ATRN: variants seen among roughly 807,000 people sequenced by gnomAD.
ATRN encodes the protein attractin.
A neutral mutation model predicts 178.7 loss-of-function variants in ATRN; 54 were observed. The ratio of observed to expected loss-of-function variants is 0.30; its 90% CI spans 0.24 to 0.38. ATRN has a LOEUF of 0.38. Among genes scored for constraint, ATRN ranks in the 10% least tolerant of loss-of-function variants. ATRN has a pLI of 1.00. For synonymous variants in ATRN, 636 were observed against 663.0 expected (o/e 0.96, Z 0.63); for missense variants, 1,443 against 1,815.1 (o/e 0.79, Z 3.73).
chr20:3,589,913 G>A (rs1211446655), intron 18 of ATRN, among the ~76,000 whole-genome samples: 1 of 152,190 alleles, frequency 6.6e-6, no homozygotes, highest in Non-Finnish European at 1.5e-5. Flanking sequence ...AAGATAGCTG[G>A]CACATTGCCT....
intron 1 of ATRN, among the ~76,000 whole-genome samples, chr20:3,520,517 CAG>C (rs948201280): frequency 3.9e-5 from 6 of 152,028 alleles, no homozygotes; most frequent in African/African-American, 1.4e-4. Flanking sequence ...CTTTTTGAGA[CAG>C]AATCTTGCTC....
intron 24 of ATRN, among the ~76,000 whole-genome samples, chr20:3,622,617 C>T (rs1055022622): frequency 4.6e-5 from 7 of 152,208 alleles, no homozygotes; most frequent in African/African-American, 9.7e-5. Context: ...AAAGACTGAC[C>T]GCAGTGGGCG....
chr20:3,547,525 T>G, intron 5 of ATRN, 36 bp downstream of exon 5: 1 of 1,480,380 alleles, frequency 6.8e-7, no homozygotes, highest in African/African-American at 1.4e-5. Context: ...TTTCTTCCAT[T>G]TATAGAACAT....
chr20:3,561,022 A>C, intron 8 of ATRN, 117 bp downstream of exon 8: 3 of 1,322,776 alleles, frequency 2.3e-6, no homozygotes, highest in Non-Finnish European at 3.1e-6. Context: ...TTTATCTTGA[A>C]ACATAGTAAA....
intron 23 of ATRN, 76 bp from the exon 24 acceptor site, chr20:3,604,029 T>C: frequency 1.6e-6 from 2 of 1,258,076 alleles, no homozygotes; most frequent in Middle Eastern, 3.9e-4. Flanking sequence ...GTCCTTATTA[T>C]TAATGAGGCC....
chr20:3,502,477 G>A (rs1314441047), intron 1 of ATRN, among the ~76,000 whole-genome samples: 1 of 152,124 alleles, frequency 6.6e-6, no homozygotes, highest in East Asian at 1.9e-4. Context: ...GGTGTTTCCT[G>A]ACCCTCCCAC....
intron 24 of ATRN, among the ~76,000 whole-genome samples, chr20:3,607,368 A>G (rs113202741): frequency 2.0e-5 from 3 of 152,082 alleles, no homozygotes; most frequent in African/African-American, 4.8e-5. Flanking sequence ...TTTTATACCC[A>G]TTAACCTCTA....
At chr20:3,644,389 C>G in intron 28 of ATRN, 121 bp downstream of exon 28, 2 of 824,482 alleles carry the variant, frequency 2.4e-6, no homozygotes, top group Non-Finnish European at 1.9e-6. Flanking sequence ...CCTGCCCATG[C>G]CATGGCAAGG....
rs1211154789 is a variant in ATRN, at chr20:3,545,363, T to C, written c.609-399T>C. 1.1e-4 allele frequency among the ~76,000 whole-genome samples: 11 copies of C among 103,100 alleles called. No homozygotes were observed. In the South Asian group the frequency reaches 1.4e-3, roughly 13 times the overall value. 67.6% of individuals were successfully genotyped at this position (103,100 alleles called of 152,430 possible). On this transcript the variant is annotated intron_variant, in intron 3 of 28. Transcript: ENST00000262919. ...TGGGCAACAAGAGCGAAACTCTGTC[T>C]CAAAAAAAAAAAAAAAAACAACAAA...
At chr20:3,579,862 C>T (rs1022066428) in intron 15 of ATRN, among the ~76,000 whole-genome samples, 83 of 152,096 alleles carry the variant, frequency 5.5e-4, no homozygotes, top group Non-Finnish European at 2.2e-4. Flanking sequence ...GGAAATGTGG[C>T]CTGGGTCTCG....
At chr20:3,562,031 T>C (rs1335832999) in intron 8 of ATRN, among the ~76,000 whole-genome samples, 1 of 152,106 alleles carries the variant, frequency 6.6e-6, no homozygotes, top group Admixed American at 6.5e-5. Flanking sequence ...TGGCCCTGAG[T>C]GTTTTAAATT....
chr20:3,502,380 A>G (rs2084976137), intron 1 of ATRN, among the ~76,000 whole-genome samples: 1 of 152,148 alleles, frequency 6.6e-6, no homozygotes, highest in African/African-American at 2.4e-5. Flanking sequence ...GAAGTTTATA[A>G]GAAGAAAGTG....
intron 1 of ATRN, among the ~76,000 whole-genome samples, chr20:3,488,997 G>A (rs2146083701): frequency 6.6e-6 from 1 of 152,266 alleles, no homozygotes; most frequent in South Asian, 2.1e-4. Context: ...GTCTCACTCT[G>A]TTGCCCAGGC....
chr20:3,533,353 C>CTA (rs1165040744), intron 1 of ATRN, among the ~76,000 whole-genome samples: 4 of 152,190 alleles, frequency 2.6e-5, no homozygotes, highest in Non-Finnish European at 5.9e-5. Context: ...TTCTACTTCT[C>CTA]TAGTAAAAAG....
chr20:3,602,110 C>G (rs1046875970), intron 23 of ATRN, among the ~76,000 whole-genome samples: 1 of 151,792 alleles, frequency 6.6e-6, no homozygotes, highest in Non-Finnish European at 1.5e-5. Flanking sequence ...GGGAAGATCA[C>G]CTGAGGTCAA....
intron 5 of ATRN, among the ~76,000 whole-genome samples, 190 bp from the exon 6 acceptor site, chr20:3,548,980 A>G (rs564136600): frequency 6.6e-6 from 1 of 152,244 alleles, no homozygotes; most frequent in Non-Finnish European, 1.5e-5. Flanking sequence ...CATCATTAGA[A>G]AGTATGTGAT....
rs1409713346 is a variant in ATRN at position 3,566,720 on chromosome 20, A to G, written c.1871+1288A>G. Among the ~76,000 whole-genome samples the G allele has an allele frequency of 2.0e-5, 3 of 152,178 alleles. No homozygotes were observed. In the East Asian group the frequency reaches 5.8e-4, roughly 29 times the overall value. The stretch of plus-strand genomic sequence containing the variant: ...GGAGTTCCAGACCACCCTGGTCAAC[A>G]TGGCAAAACCCCCGTCTCTTCCTAA... On this transcript the variant is annotated intron_variant, in intron 11 of 28. Coordinates refer to ENST00000262919, the MANE Select transcript of ATRN (RefSeq NM_139321.3).
chr20:3,531,793 G>A (rs2146172809), intron 1 of ATRN, among the ~76,000 whole-genome samples: 1 of 150,554 alleles, frequency 6.6e-6, no homozygotes, highest in African/African-American at 2.5e-5. Context: ...GGGGAAGTGG[G>A]TTAAAACAAC....
intron 19 of ATRN, chr20:3,592,606 TA>T (rs2086464250): frequency 3.8e-6 from 2 of 522,270 alleles, no homozygotes; most frequent in East Asian, 1.5e-4. Context: ...GCAGGAAAAG[TA>T]AACAACATAG....
Sources: gnomAD v4.1 joint callset for allele counts (sites outside exome capture counted in the v4.1 genomes callset) on GRCh38, gnomAD v4.1.1 for gene constraint, MANE v1.5 for transcripts, NCBI Gene and HGNC (gene_info 2026-07-23, HGNC 2026-07-21) for gene names.